Variants in MSH4 observed in about 807,000 individuals in gnomAD.
MSH4 encodes the protein mutS homolog 4, also known as mutS protein homolog 4.
A neutral mutation model predicts 113.7 loss-of-function variants in MSH4; 106 were observed. The observed-to-expected ratio is 0.93, with a 90% CI of 0.80 to 1.10. MSH4 has a LOEUF of 1.10. Ranked by LOEUF, MSH4 falls within the 50% of genes least tolerant of loss-of-function variation. The pLI is 0.00. For missense variants in MSH4, 1,061 were observed against 1,093.7 expected, an observed-to-expected ratio of 0.97 and a Z score of 0.42; for synonymous variants, 368 against 380.2, an observed-to-expected ratio of 0.97 and a Z score of 0.37.
rs576024252 is a variant in MSH4 at position 75,819,319 on chromosome 1, C to G, written c.989+2773C>G. ...ACCAGCCTGGTCGCCATGGTGAAACCCTGTCTTTACCAAAAATACAAAATT... is the reference window on the plus strand; with the variant it reads ...ACCAGCCTGGTCGCCATGGTGAAACGCTGTCTTTACCAAAAATACAAAATT... On this transcript the variant is annotated intron_variant, in intron 6 of 19. Transcript: ENST00000263187. Among the ~76,000 whole-genome samples, 6 of 152,108 alleles carry G rather than the reference C, an allele frequency of 3.9e-5. No individual in the cohort carries two copies. In the South Asian group the frequency reaches 6.2e-4, roughly 16 times the overall value.
In MSH4 at chr1:75,819,779, C is replaced by T. The variant is rs558017503; in HGVS notation, c.990-2630C>T. Reference sequence around the variant, plus strand: ...AGGCTGGAGTGCAGTGGCGCAATCTCGGCTCACTGCAACCTCCGCCTCCCG... The same window carrying T: ...AGGCTGGAGTGCAGTGGCGCAATCTTGGCTCACTGCAACCTCCGCCTCCCG... On this transcript the variant is annotated intron_variant, in intron 6 of 19. Transcript: ENST00000263187. 1.5e-4 allele frequency among the ~76,000 whole-genome samples: 23 copies of T among 152,308 alleles called. No homozygotes were observed. The South Asian group carries it at 3.5e-3, about 23-fold the overall frequency.
At chr1:75,829,977 T>C (rs1311193124) in intron 7 of MSH4, among the ~76,000 whole-genome samples, 1 of 151,952 alleles carries the variant, frequency 6.6e-6, no homozygotes, top group Admixed American at 6.6e-5. Context: ...CGATCGGTAA[T>C]AGCAGACTTC....
intron 19 of MSH4, among the ~76,000 whole-genome samples, chr1:75,907,660 ATC>A (rs138292747): frequency 0.013 from 1,249 of 92,806 alleles, 54 homozygotes; most frequent in African/African-American, 0.057. Context: ...TCCACGGTGT[ATC>A]TCTCTCTCTC....
intron 10 of MSH4, 115 bp from the exon 11 acceptor site, chr1:75,878,034 A>G: frequency 1.4e-6 from 1 of 714,812 alleles, no homozygotes; most frequent in East Asian, 3.0e-5. Flanking sequence ...TTAATTAGTT[A>G]TTTCAAAATA....
In MSH4 at chr1:75,903,018, T is replaced by C. The variant is rs144798262; in HGVS notation, c.2619+3312T>C. ...GCTGTCTCTTCACTTTGTTAATTTT[T>C]TTTTTTGCTATGCAGAAGCTTTTTA... On this transcript the variant is annotated intron_variant, in intron 19 of 19. Coordinates refer to ENST00000263187, the MANE Select transcript of MSH4 (RefSeq NM_002440.4). 3.6e-4 allele frequency among the ~76,000 whole-genome samples: 54 copies of C among 151,486 alleles called. No individual in the cohort carries two copies. In the East Asian group the frequency reaches 0.01, roughly 28 times the overall value.
intron 7 of MSH4, among the ~76,000 whole-genome samples, chr1:75,836,212 G>A (rs1262515270): frequency 2.0e-5 from 3 of 151,866 alleles, no homozygotes; most frequent in South Asian, 4.1e-4. Context: ...TCACACTGTT[G>A]GTTGGCTTGG....
At chr1:75,879,773 T>C (rs1651891586) in intron 12 of MSH4, among the ~76,000 whole-genome samples, 1 of 152,140 alleles carries the variant, frequency 6.6e-6, no homozygotes, top group Non-Finnish European at 1.5e-5. Flanking sequence ...TGTAGTGTTT[T>C]TAACATTTTA....
In MSH4 at chr1:75,797,002, T is replaced by G; in HGVS notation, c.17T>G (p.Ile6Ser). 6.2e-7 allele frequency: 1 copy of G among 1,614,030 alleles called. No homozygotes were observed. The highest frequency in any genetic ancestry group is 8.5e-7 in the Non-Finnish European group (1 of 1,180,024). The change falls in exon 1 of 20, where the codon ATC becomes AGC. Residue 6 changes from isoleucine (I) to serine (S), a missense_variant. Transcript: ENST00000263187. MLRPE[I>S]SSTSPSAPAV... ...TTTGGGAGGATGCTGAGGCCTGAGA[T>G]CTCATCAACCTCGCCTTCTGCCCCG...
At chr1:75,890,216 T>G (rs1171569470) in intron 16 of MSH4, among the ~76,000 whole-genome samples, 1 of 152,080 alleles carries the variant, frequency 6.6e-6, no homozygotes, top group Non-Finnish European at 1.5e-5. Context: ...GGATTTAAAT[T>G]TATTTGTTAA....
rs5745311 is a variant in MSH4 at position 75,797,164 on chromosome 1, C to T, written c.179C>T (p.Ala60Val). ...ASTCPGTSGA[A>V]GDRSSSSSSL... ...ACCTGTCCTGGCACGTCAGGAGCTG[C>T]GGGCGACCGGAGCAGCAGCAGCAGC... is the stretch of plus-strand genomic sequence containing the variant. Residue 60 changes from alanine (A) to valine (V), a missense_variant, in exon 1 of 20, where the codon GCG (alanine) becomes GTG (valine). Transcript: ENST00000263187. 8.1e-6 allele frequency: 13 copies of T among 1,611,338 alleles called. No homozygotes were observed. In the East Asian group the frequency reaches 2.9e-4, roughly 36 times the overall value.
chr1:75,859,652 A>G (rs1642785233), intron 8 of MSH4, among the ~76,000 whole-genome samples: 2 of 152,120 alleles, frequency 1.3e-5, no homozygotes, highest in Non-Finnish European at 2.9e-5. Flanking sequence ...CTATTCTTAT[A>G]CATTTGCTGA....
intron 7 of MSH4, among the ~76,000 whole-genome samples, chr1:75,839,619 A>G (rs1193734176): frequency 6.6e-6 from 1 of 152,112 alleles, no homozygotes; most frequent in Non-Finnish European, 1.5e-5. Context: ...TAAGAATCTC[A>G]TGTCTAAAAC....
intron 15 of MSH4, among the ~76,000 whole-genome samples, chr1:75,885,318 G>GGTGTGTGTGTGTGT (rs58647865): frequency 1.9e-5 from 2 of 105,336 alleles, no homozygotes; most frequent in African/African-American, 7.6e-5. Flanking sequence ...TCACACTGGG[G>GGTGTGTGTGTGTGT]GTGTGTGTGT....
chr1:75,828,615 A>G (rs1013421910), intron 7 of MSH4, among the ~76,000 whole-genome samples: 1 of 152,158 alleles, frequency 6.6e-6, no homozygotes, highest in African/African-American at 2.4e-5. Flanking sequence ...TTGGGTACAC[A>G]TGGGGATATA....
intron 1 of MSH4, among the ~76,000 whole-genome samples, chr1:75,800,632 G>C (rs1557486956): frequency 6.6e-6 from 1 of 151,870 alleles, no homozygotes; most frequent in Non-Finnish European, 1.5e-5. Context: ...GAGTGTTAGG[G>C]TTGATGAAGG....
At chr1:75,833,120 A>G (rs1282428533) in intron 7 of MSH4, among the ~76,000 whole-genome samples, 1 of 152,206 alleles carries the variant, frequency 6.6e-6, no homozygotes, top group Admixed American at 6.5e-5. Flanking sequence ...CAAAAATCAC[A>G]AGCACTCCTA....
chr1:75,902,407 C>T (rs527928820), intron 19 of MSH4, among the ~76,000 whole-genome samples: 2 of 151,732 alleles, frequency 1.3e-5, no homozygotes, highest in South Asian at 4.2e-4. Flanking sequence ...TCTTTATGTC[C>T]ATGTGTACCC....
intron 14 of MSH4, 69 bp from the exon 15 acceptor site, chr1:75,883,552 A>C: frequency 8.1e-7 from 1 of 1,240,476 alleles, no homozygotes; most frequent in Non-Finnish European, 1.1e-6. Flanking sequence ...TAGACAATAC[A>C]TACACACTAC....
Position 75,883,013 on chromosome 1 carries a change from A to AT in MSH4, c.1907-599dup, listed in dbSNP as rs200931353. The stretch of plus-strand genomic sequence containing the variant: ...TTGGTTCTTTTTTATTTTTATTTTT[A>AT]TTTTTTTTTGAGACAGAGACTCACT... On this transcript the variant is annotated intron_variant, in intron 14 of 19. Coordinates refer to ENST00000263187, the MANE Select transcript of MSH4 (RefSeq NM_002440.4). Among the ~76,000 whole-genome samples the AT allele has an allele frequency of 1.9e-3, 282 of 150,292 alleles. 1 individual carries two copies. Among genetic ancestry groups the AT allele is most frequent in the African/African-American group, 5.8e-3 (238 of 41,008 alleles).
Sources: allele counts gnomAD v4.1 joint callset (sites outside exome capture counted in the v4.1 genomes callset), GRCh38; gene constraint gnomAD v4.1.1; transcripts MANE v1.5; gene names NCBI Gene and HGNC (gene_info 2026-07-23, HGNC 2026-07-21).